Variants in MYBL2 observed in about 807,000 individuals in gnomAD.
MYBL2 encodes myb-related protein B.
Under a neutral mutation model 79.9 loss-of-function variants are expected in MYBL2, and 28 were observed. That is an observed-to-expected ratio of 0.35 (90% CI 0.26 to 0.48). The LOEUF (loss-of-function observed/expected upper bound fraction) is 0.48. MYBL2 is among the 20% of genes least tolerant of loss of function. MYBL2 has a pLI of 0.99. For missense variants in MYBL2, 735 were observed against 893.9 expected, an observed-to-expected ratio of 0.82 and a Z score of 2.27; for synonymous variants, 378 against 361.2, an observed-to-expected ratio of 1.05 and a Z score of -0.53.
rs936333299 is a variant in MYBL2, at chr20:43,711,578, G to A, written c.1696G>A (p.Glu566Lys). 1.9e-6 allele frequency: 3 copies of A among 1,613,250 alleles called. No individual in the cohort carries two copies. Among genetic ancestry groups the A allele is most frequent in the Non-Finnish European group, 2.5e-6 (3 of 1,179,618 alleles). ...CATCATCGAGGACGACATCAGGCCCGAGAAGCAGAAGAGGAAGCCTGGGGT... is the reference window on the plus strand; with the variant it reads ...CATCATCGAGGACGACATCAGGCCCAAGAAGCAGAAGAGGAAGCCTGGGGT... ...ELIIEDDIRP[E>K]KQKRKPGLRR... Residue 566 changes from glutamate to lysine, a missense_variant, in exon 11 of 14, where the codon GAG (glutamate) becomes AAG (lysine). Glu to Lys is a moderately conservative substitution (Grantham distance 56). Transcript: ENST00000217026.
In MYBL2 at chr20:43,699,769, A is replaced by G. The variant is rs1987637886; in HGVS notation, c.676A>G (p.Thr226Ala). 6.2e-7 allele frequency: 1 copy of G among 1,614,112 alleles called. No homozygotes were observed. The highest frequency in any genetic ancestry group is 1.7e-4 in the Middle Eastern group (1 of 6,022). The change falls in exon 7 of 14, where the codon ACC (threonine) becomes GCC (alanine). Residue 226 changes from threonine (T) to alanine (A), a missense_variant. Thr to Ala is a moderately conservative substitution (Grantham distance 58). Around this residue, in one of 5 missense-constraint regions of MYBL2, gnomAD observed 144 missense variants for 131.9 expected, o/e 1.09. Coordinates refer to ENST00000217026, the MANE Select transcript of MYBL2 (RefSeq NM_002466.4). ...TTGTGTCTTACAGGGAAGTCTTCTG[A>G]CCAACTGGCCCTCCGTCCCTCCTAC... Reference protein sequence around the residue: ...QPTEGQGSLLTNWPSVPPTIK... With the variant: ...QPTEGQGSLLANWPSVPPTIK...
Position 43,702,566 on chromosome 20 carries a change from G to A in MYBL2, c.1028G>A (p.Ser343Asn), listed in dbSNP as rs1271735319. The change falls in exon 8 of 14, where the codon AGC (serine) becomes AAC (asparagine). Residue 343 changes from serine (S) to asparagine (N), a missense_variant. This residue lies in a region of MYBL2 where 243 missense variants were observed against 327.2 expected (regional missense o/e 0.74). Coordinates refer to ENST00000217026, the MANE Select transcript of MYBL2 (RefSeq NM_002466.4). ...TCTGCAGAGGACAGTATCAACAACA[G>A]CCTAGTGCAGCTGCAAGCGTCACAT... ...EPSAEDSINNSLVQLQASHQQ... is the reference protein window; with the variant it reads ...EPSAEDSINNNLVQLQASHQQ... The A allele has an allele frequency of 6.2e-7, 1 of 1,614,184 alleles. No homozygotes were observed.
chr20:43,667,695 A>G (rs918308158), intron 1 of MYBL2, among the ~76,000 whole-genome samples: 1 of 152,178 alleles, frequency 6.6e-6, no homozygotes, highest in Non-Finnish European at 1.5e-5. Context: ...GGAGTCTTCA[A>G]GTCCCAGCCA....
At chr20:43,713,934 C>T (rs955063087) in intron 12 of MYBL2, among the ~76,000 whole-genome samples, 6 of 152,128 alleles carry the variant, frequency 3.9e-5, no homozygotes, top group South Asian at 2.1e-4. Flanking sequence ...AGAGGCATGG[C>T]GGCGTCATGA....
intron 12 of MYBL2, among the ~76,000 whole-genome samples, chr20:43,714,334 C>A (rs1035774903): frequency 6.6e-6 from 1 of 152,186 alleles, no homozygotes; most frequent in Non-Finnish European, 1.5e-5. Context: ...TGTTTCTGGT[C>A]CCAGGAAAAC....
At chr20:43,711,383 G>T in intron 10 of MYBL2, 105 bp from the exon 11 acceptor site, 1 of 772,368 alleles carries the variant, frequency 1.3e-6, no homozygotes. Flanking sequence ...CCTCCTTCCT[G>T]CCTTACCCAG....
chr20:43,708,404 C>T (rs1448531204), intron 9 of MYBL2, among the ~76,000 whole-genome samples: 2 of 152,048 alleles, frequency 1.3e-5, no homozygotes, highest in Non-Finnish European at 2.9e-5. Context: ...CCGGCCTCTC[C>T]CTGAGTTTTC....
At chr20:43,705,043 C>T (rs925416468) in intron 8 of MYBL2, among the ~76,000 whole-genome samples, 176 bp from the exon 9 acceptor site, 2 of 152,108 alleles carry the variant, frequency 1.3e-5, no homozygotes, top group Non-Finnish European at 2.9e-5. Context: ...GGGCTCCTGG[C>T]ATCGATCTGT....
At chr20:43,712,945 C>A in intron 11 of MYBL2, 57 bp from the exon 12 acceptor site, 1 of 1,369,922 alleles carries the variant, frequency 7.3e-7, no homozygotes, top group Non-Finnish European at 1.0e-6. Context: ...CATCCAGGTG[C>A]TGACCATGGG....
intron 6 of MYBL2, among the ~76,000 whole-genome samples, chr20:43,694,543 A>G (rs1049607668): frequency 9.2e-5 from 14 of 152,112 alleles, no homozygotes; most frequent in African/African-American, 2.4e-4. Context: ...GACAGTTACA[A>G]TTCTTCCACA....
Position 43,702,553 on chromosome 20 carries a change from A to G in MYBL2, c.1015A>G (p.Ser339Gly), listed in dbSNP as rs146106451. The change falls in exon 8 of 14, where the codon AGT (serine) becomes GGT (glycine). Residue 339 changes from serine to glycine, a missense_variant. Transcript: ENST00000217026. ...DLPEEPSAED[S>G]INNSLVQLQA... The stretch of plus-strand genomic sequence containing the variant: ...CCCTGAGGAACCATCTGCAGAGGAC[A>G]GTATCAACAACAGCCTAGTGCAGCT... 1.4e-5 allele frequency: 22 copies of G among 1,614,092 alleles called. No individual in the cohort carries two copies. In the African/African-American group the frequency reaches 2.4e-4, roughly 18 times the overall value.
chr20:43,703,517 CT>C (rs1401346709), intron 8 of MYBL2, among the ~76,000 whole-genome samples: 1 of 152,212 alleles, frequency 6.6e-6, no homozygotes, highest in African/African-American at 2.4e-5. Flanking sequence ...GGCACCTGGC[CT>C]TCCTGCAGAG....
intron 4 of MYBL2, among the ~76,000 whole-genome samples, chr20:43,686,225 G>A (rs192263366): frequency 4.6e-5 from 7 of 152,272 alleles, no homozygotes; most frequent in East Asian, 1.9e-4. Context: ...ACATGAGAAC[G>A]CGTGTGTCTG....
chr20:43,699,879 C>T lies in MYBL2; in HGVS notation c.786C>T (p.Asp262=), dbSNP rs112992202. 75 of 1,613,930 alleles carry T rather than the reference C, an allele frequency of 4.6e-5. No homozygotes were observed. The highest frequency in any genetic ancestry group is 4.2e-4 in the Admixed American group (25 of 59,954). The change falls in exon 7 of 14, where the codon GAC becomes GAT. Residue 262 remains aspartate, a synonymous_variant. Transcript: ENST00000217026. ...KEQEPIGTDL[D]AVRTPEPLEE... Reference sequence around the variant, plus strand: ...AGGAGCCCATCGGTACAGATCTGGACGCAGTGCGAACACCAGAGCCCTTGG... The same window carrying T: ...AGGAGCCCATCGGTACAGATCTGGATGCAGTGCGAACACCAGAGCCCTTGG...
At position 43,715,210 on chromosome 20, in the gene MYBL2, G is replaced by A; in HGVS notation, c.1901G>A (p.Gly634Asp). 1 of 1,614,244 alleles carries A rather than the reference G, an allele frequency of 6.2e-7. No individual in the cohort carries two copies. Among genetic ancestry groups the A allele is most frequent in the Non-Finnish European group, 8.5e-7 (1 of 1,180,056 alleles). The change falls in exon 13 of 14, where the codon GGC becomes GAC. Residue 634 changes from glycine to aspartate, a missense_variant. Physicochemically the swap from Gly to Asp is moderately conservative, Grantham distance 94. This residue lies in a region of MYBL2 where 204 missense variants were observed against 202.9 expected (regional missense o/e 1.01). Coordinates refer to ENST00000217026, the MANE Select transcript of MYBL2 (RefSeq NM_002466.4). ...IKEDNSLLNQGFLQAKPEKAA... is the reference protein window; with the variant it reads ...IKEDNSLLNQDFLQAKPEKAA... ...GAAGACAACAGCTTGCTCAACCAGG[G>A]CTTCTTGCAGGCCAAGCCCGAGAAG...
intron 8 of MYBL2, among the ~76,000 whole-genome samples, chr20:43,703,218 A>G (rs531216672): frequency 1.3e-3 from 204 of 152,230 alleles, no homozygotes; most frequent in Non-Finnish European, 1.9e-3. Flanking sequence ...TATGGAACCT[A>G]TTTCACAGCA....
At position 43,675,761 on chromosome 20, in the gene MYBL2, T is replaced by TTGTGTGTGTGTG. The variant is rs34999422; in HGVS notation, c.114+1876_114+1887dup. Among the ~76,000 whole-genome samples the TTGTGTGTGTGTG allele has an allele frequency of 1.0e-3, 154 of 148,200 alleles. 1 individual carries two copies. Among genetic ancestry groups the TTGTGTGTGTGTG allele is most frequent in the African/African-American group, 3.5e-3 (143 of 40,576 alleles). ...TTTTGCCTTTTTCTTTTTGGGGGCT[T>TTGTGTGTGTGTG]TGTGTGTGTGTGTGTGTGTGTGTGT... On this transcript the variant is annotated intron_variant, in intron 2 of 13. Coordinates refer to ENST00000217026, the MANE Select transcript of MYBL2 (RefSeq NM_002466.4).
Position 43,686,104 on chromosome 20 carries a change from T to C in MYBL2, c.280-748T>C, listed in dbSNP as rs1186904491. Reference sequence around the variant, plus strand: ...TTTAAAAAAAAAAATCAAAGTGATATGTGGTTGCTATAAAAATTTAAACCA... The same window carrying C: ...TTTAAAAAAAAAAATCAAAGTGATACGTGGTTGCTATAAAAATTTAAACCA... On this transcript the variant is annotated intron_variant, in intron 4 of 13. Transcript: ENST00000217026. Among the ~76,000 whole-genome samples the C allele has an allele frequency of 2.6e-5, 4 of 152,034 alleles. No homozygotes were observed. In the East Asian group the frequency reaches 7.7e-4, roughly 29 times the overall value.
At chr20:43,713,133 T>C in intron 12 of MYBL2, 27 bp downstream of exon 12, 1 of 1,591,226 alleles carries the variant, frequency 6.3e-7, no homozygotes, top group Non-Finnish European at 8.6e-7. Flanking sequence ...TTGGAACTGT[T>C]GAGTTTTGGA....
Sources: allele counts gnomAD v4.1 joint callset (sites outside exome capture counted in the v4.1 genomes callset), GRCh38; gene constraint gnomAD v4.1.1; regional missense constraint gnomAD v4.1.1; transcripts MANE v1.5; gene names NCBI Gene and HGNC (gene_info 2026-07-23, HGNC 2026-07-21).